FAM107B: variants seen among roughly 807,000 people sequenced by gnomAD.
FAM107B encodes the protein family with sequence similarity 107 member B, also known as protein FAM107B.
A neutral mutation model predicts 31.5 loss-of-function variants in FAM107B; 21 were observed. The observed-to-expected ratio is 0.67, with a 90% confidence interval of 0.47 to 0.96. The LOEUF (loss-of-function observed/expected upper bound fraction) is 0.96. FAM107B is among the 40% of genes least tolerant of loss of function. The probability of loss-of-function intolerance (pLI) is 0.00; values close to 1 mark genes in which losing one functional copy is unlikely to be tolerated. For missense variants in FAM107B, 452 were observed against 377.1 expected, an observed-to-expected ratio of 1.20 and a Z score of -1.64; for synonymous variants, 157 against 141.5, an observed-to-expected ratio of 1.11 and a Z score of -0.78.
intron 1 of FAM107B, among the ~76,000 whole-genome samples, chr10:14,762,964 C>G (rs1833087169): frequency 6.6e-6 from 1 of 152,104 alleles, no homozygotes; most frequent in Admixed American, 6.6e-5. Flanking sequence ...CAATGAGCTA[C>G]TATTTAAAAG....
chr10:14,545,039 G>C (rs1848570695), intron 2 of FAM107B, among the ~76,000 whole-genome samples: 1 of 152,264 alleles, frequency 6.6e-6, no homozygotes, highest in East Asian at 1.9e-4. Context: ...TCTCTGGGGG[G>C]TGGGCCCGGC....
intron 1 of FAM107B, among the ~76,000 whole-genome samples, chr10:14,737,766 T>TTCTC (rs11276189): frequency 0.21 from 27,133 of 126,856 alleles, 3,600 homozygotes; most frequent in African/African-American, 0.34. Flanking sequence ...CGTGCACGCT[T>TTCTC]TCTCTCTCTC....
intron 2 of FAM107B, among the ~76,000 whole-genome samples, chr10:14,543,706 A>C (rs1004644610): frequency 6.6e-6 from 1 of 151,822 alleles, no homozygotes; most frequent in Non-Finnish European, 1.5e-5. Context: ...AAAAAAAAAA[A>C]AAACCAAAAA....
rs1479540547 is a variant in FAM107B at position 14,596,725 on chromosome 10, G to A, written c.470-66210C>T. 2.0e-5 allele frequency among the ~76,000 whole-genome samples: 3 copies of A among 152,122 alleles called. No homozygotes were observed. The East Asian group carries it at 5.8e-4, about 29-fold the overall frequency. ...AATTCACCCACCGCAGCAGGAACCT[G>A]AAAGATGATGTAGCTGATTCTCTTG... On this transcript the variant is annotated intron_variant, in intron 2 of 4. Transcript: ENST00000181796.
At chr10:14,590,004 C>A (rs1851964513) in intron 2 of FAM107B, among the ~76,000 whole-genome samples, 1 of 152,154 alleles carries the variant, frequency 6.6e-6, no homozygotes. Context: ...ATGTAAGAAG[C>A]ATTTAACATG....
At chr10:14,720,569 T>A (rs886884449) in intron 1 of FAM107B, among the ~76,000 whole-genome samples, 1 of 152,202 alleles carries the variant, frequency 6.6e-6, no homozygotes, top group Non-Finnish European at 1.5e-5. Context: ...TTGGTCTTTT[T>A]AAAGTAAATT....
At chr10:14,561,649 A>G (rs1850253503) in intron 2 of FAM107B, among the ~76,000 whole-genome samples, 1 of 152,222 alleles carries the variant, frequency 6.6e-6, no homozygotes, top group Non-Finnish European at 1.5e-5. Context: ...TACAATGATA[A>G]TAACACTCCT....
Position 14,683,603 on chromosome 10 carries a change from AG to A in FAM107B, c.412-15913del, listed in dbSNP as rs372769590. Among the ~76,000 whole-genome samples, 597 of 152,328 alleles carry A rather than the reference AG, an allele frequency of 3.9e-3. 4 individuals carry two copies. Among genetic ancestry groups the A allele is most frequent in the African/African-American group, 0.013 (554 of 41,584 alleles). On this transcript the variant is annotated intron_variant, in intron 1 of 4. Transcript: ENST00000181796. ...CACTTATCAAACTACTGGAAGATAGAGGGGTAAGCCTGGTTGTCTATACTGA... is the reference window on the plus strand; with the variant it reads ...CACTTATCAAACTACTGGAAGATAGAGGGTAAGCCTGGTTGTCTATACTGA...
chr10:14,627,100 T>TGGTGGACC (rs1304226838), intron 2 of FAM107B, among the ~76,000 whole-genome samples: 11 of 152,214 alleles, frequency 7.2e-5, no homozygotes, highest in African/African-American at 2.7e-4. Context: ...AGACAGACAC[T>TGGTGGACC]GGTGGACCTA....
At chr10:14,553,455 G>T in intron 2 of FAM107B, 1 of 886,180 alleles carries the variant, frequency 1.1e-6, no homozygotes, top group Non-Finnish European at 1.6e-6. Flanking sequence ...CATTCTATCT[G>T]CATAATTTTC....
At chr10:14,654,669 T>C (rs1853994866) in intron 2 of FAM107B, among the ~76,000 whole-genome samples, 2 of 152,196 alleles carry the variant, frequency 1.3e-5, no homozygotes, top group Admixed American at 6.5e-5. Flanking sequence ...AATTCAAAAA[T>C]AAATGATTTT....
intron 2 of FAM107B, among the ~76,000 whole-genome samples, chr10:14,597,707 G>A (rs1852233282): frequency 6.6e-6 from 1 of 152,162 alleles, no homozygotes; most frequent in Non-Finnish European, 1.5e-5. Context: ...CCAGCACTTT[G>A]GGAGAGGATT....
chr10:14,547,903 C>A (rs934322113), intron 2 of FAM107B, among the ~76,000 whole-genome samples: 2 of 152,254 alleles, frequency 1.3e-5, no homozygotes, highest in African/African-American at 2.4e-5. Context: ...ACATCTCTGT[C>A]TGGGTCTTTG....
chr10:14,556,883 G>A (rs1359464800), intron 2 of FAM107B, among the ~76,000 whole-genome samples: 1 of 152,174 alleles, frequency 6.6e-6, no homozygotes, highest in Non-Finnish European at 1.5e-5. Context: ...TCTGACCTGG[G>A]CCTGCTTCTC....
At position 14,774,888 on chromosome 10, in the gene FAM107B, T is replaced by G; in HGVS notation, c.-225A>C. The G allele has an allele frequency of 1.8e-6, 1 of 555,754 alleles. No homozygotes were observed. Among genetic ancestry groups the G allele is most frequent in the Middle Eastern group, 4.8e-4 (1 of 2,086 alleles). The allele number at this position is 555,754 out of a possible 1,614,324, so 34.4% of individuals were successfully genotyped here. ...GTCCATCCTGGGCAATTTCGCGCTC[T>G]TCCTTCTGTGATGCTGTCAGTGGCT... On this transcript the variant is annotated 5_prime_UTR_variant, in exon 1 of 5. Coordinates refer to ENST00000181796, the MANE Select transcript of FAM107B (RefSeq NM_031453.4).
chr10:14,597,209 G>T (rs1209859416), intron 2 of FAM107B, among the ~76,000 whole-genome samples: 1 of 152,146 alleles, frequency 6.6e-6, no homozygotes, highest in Non-Finnish European at 1.5e-5. Flanking sequence ...CTTCCTCCAG[G>T]ACATGGGAAT....
chr10:14,644,225 T>C (rs942289507), intron 2 of FAM107B, among the ~76,000 whole-genome samples: 8 of 152,252 alleles, frequency 5.3e-5, no homozygotes, highest in African/African-American at 1.9e-4. Context: ...ATTTATCAAA[T>C]GCTTACTATA....
At chr10:14,580,595 T>G (rs17342669) in intron 2 of FAM107B, among the ~76,000 whole-genome samples, 27,032 of 151,952 alleles carry the variant, frequency 0.18, 2,803 homozygotes, top group Middle Eastern at 0.29. Flanking sequence ...GTTTTCCACA[T>G]GGAATGTTAC....
intron 2 of FAM107B, among the ~76,000 whole-genome samples, chr10:14,664,086 G>T (rs1208621568): frequency 6.6e-6 from 1 of 152,062 alleles, no homozygotes; most frequent in Admixed American, 6.6e-5. Context: ...TCCTCCAGCT[G>T]GGTTTCTTTC....
Sources: gnomAD v4.1 joint callset for allele counts (sites outside exome capture counted in the v4.1 genomes callset) on GRCh38, gnomAD v4.1.1 for gene constraint, MANE v1.5 for transcripts, NCBI Gene and HGNC (gene_info 2026-07-23, HGNC 2026-07-21) for gene names.